The following MYH13 variants were observed in gnomAD, a reference collection of about 807,000 sequenced individuals.
The protein encoded by MYH13 is myosin-13.
MYH13 carries 177 observed loss-of-function variants against 232.1 expected under a neutral mutation model. The ratio of observed to expected loss-of-function variants is 0.76; its 90% CI spans 0.67 to 0.86. The LOEUF (loss-of-function observed/expected upper bound fraction) is 0.86. Among genes scored for constraint, MYH13 ranks in the 40% least tolerant of loss-of-function variants. MYH13 has a pLI of 0.00. For synonymous variants in MYH13, 884 were observed against 923.5 expected (o/e 0.96, Z 0.78); for missense variants, 2,246 against 2,405.9 (o/e 0.93, Z 1.39).
At chr17:10,331,238 G>T (rs1189608461) in intron 20 of MYH13, among the ~76,000 whole-genome samples, 1 of 152,068 alleles carries the variant, frequency 6.6e-6, no homozygotes, top group Non-Finnish European at 1.5e-5. Context: ...TTGGTCCCAT[G>T]CTCAGGCCCA....
At chr17:10,315,379 G>A (rs1906663856) in intron 29 of MYH13, among the ~76,000 whole-genome samples, 1 of 152,130 alleles carries the variant, frequency 6.6e-6, no homozygotes, top group African/African-American at 2.4e-5. Flanking sequence ...TGCCACCTCC[G>A]CCCCCTGGGT....
intron 18 of MYH13, among the ~76,000 whole-genome samples, chr17:10,335,755 GA>G (rs200437659): frequency 1.3e-5 from 2 of 149,898 alleles, no homozygotes; most frequent in Admixed American, 6.7e-5. Context: ...ACCCTGTCTT[GA>G]AAAAAAAAGA....
chr17:10,349,014 TTCCCTTCCTTC>T lies in MYH13; in HGVS notation c.1144+1531_1144+1541del, dbSNP rs1049750104. ...TTCCTTCCTTCTCCCTTCCCTTCCC[TTCCCTTCCTTC>T]TCCCTTCCTTCTCCCTTCCCTTCCC... is the stretch of plus-strand genomic sequence containing the variant. On this transcript the variant is annotated intron_variant, in intron 12 of 40. Coordinates refer to ENST00000252172, the MANE Select transcript of MYH13 (RefSeq NM_003802.3). 7.3e-5 allele frequency among the ~76,000 whole-genome samples: 11 copies of T among 150,830 alleles called. No individual in the cohort carries two copies. The East Asian group carries it at 7.9e-4, about 11-fold the overall frequency.
intron 27 of MYH13, among the ~76,000 whole-genome samples, chr17:10,318,344 G>A (rs2074868): frequency 0.37 from 56,280 of 151,892 alleles, 10,692 homozygotes; most frequent in Admixed American, 0.41. Flanking sequence ...GTGTTGGGGG[G>A]TGGGGCTTTT....
rs1471789421 is a variant in MYH13 at position 10,313,171 on chromosome 17, G to C, written c.4168C>G (p.Leu1390Val). 3 of 1,614,004 alleles carry C rather than the reference G, an allele frequency of 1.9e-6. No individual in the cohort carries two copies. Among genetic ancestry groups the C allele is most frequent in the African/African-American group, 1.3e-5 (1 of 74,922 alleles). Reference protein sequence around the residue: ...ETDAIQRTEELEEAKKKLAQR... With the variant: ...ETDAIQRTEEVEEAKKKLAQR... ...TGGAGCCCCTACTTGGCCTCCTCCA[G>C]CTCCTCTGTGCGCTGAATGGCGTCC... Residue 1390 changes from leucine (L) to valine (V), a missense_variant, in exon 30 of 41, where the codon CTG (leucine) becomes GTG (valine). Physicochemically the swap from Leu to Val is conservative, Grantham distance 32. Transcript: ENST00000252172.
intron 40 of MYH13, 135 bp downstream of exon 40, chr17:10,301,434 T>C: frequency 1.5e-6 from 2 of 1,351,202 alleles, no homozygotes; most frequent in Non-Finnish European, 1.0e-6. Flanking sequence ...CTCAGGTACC[T>C]GCTCTTACCT....
At chr17:10,319,999 T>C (rs181878369) in intron 26 of MYH13, among the ~76,000 whole-genome samples, 154 bp downstream of exon 26, 1 of 152,262 alleles carries the variant, frequency 6.6e-6, no homozygotes, top group East Asian at 1.9e-4. Context: ...AACATTAAAA[T>C]ATTATTTTCA....
intron 2 of MYH13, among the ~76,000 whole-genome samples, chr17:10,367,639 G>C (rs541342153): frequency 4.6e-5 from 7 of 152,118 alleles, no homozygotes; most frequent in Non-Finnish European, 1.0e-4. Flanking sequence ...ATGAGCCACC[G>C]TGCCTGGCCA....
In MYH13 at chr17:10,362,294, T is replaced by C. The variant is rs757936339; in HGVS notation, c.349-20A>G. On this transcript the variant is annotated intron_variant, in intron 4 of 40. Coordinates refer to ENST00000252172, the MANE Select transcript of MYH13 (RefSeq NM_003802.3). ...GTAGGTCTGGGAAGATCAGAACATT[T>C]ATCATTTGGATCTCGTTTTTACTCA... is the stretch of plus-strand genomic sequence containing the variant. 13 of 1,613,928 alleles carry C rather than the reference T, an allele frequency of 8.1e-6. No homozygotes were observed. The East Asian group carries it at 2.9e-4, about 36-fold the overall frequency.
chr17:10,365,784 A>G (rs553298155), intron 2 of MYH13, among the ~76,000 whole-genome samples: 1 of 151,740 alleles, frequency 6.6e-6, no homozygotes, highest in Admixed American at 6.6e-5. Flanking sequence ...TGGCGGTGTC[A>G]GGGTGTGACA....
At position 10,307,096 on chromosome 17, in the gene MYH13, G is replaced by A. The variant is rs532905072; in HGVS notation, c.5170-32C>T. The A allele has an allele frequency of 4.3e-6, 7 of 1,609,964 alleles. No individual in the cohort carries two copies. In the East Asian group the frequency reaches 1.6e-4, roughly 36 times the overall value. On this transcript the variant is annotated intron_variant, in intron 35 of 40. Coordinates refer to ENST00000252172, the MANE Select transcript of MYH13 (RefSeq NM_003802.3). ...GAAGAATTAGATATCAGGGGTGTGG[G>A]TTCTATTGGGGCGCTTAAAAAAATT...
intron 5 of MYH13, among the ~76,000 whole-genome samples, chr17:10,361,292 C>CT (rs147949319): frequency 0.22 from 29,574 of 137,032 alleles, 3,468 homozygotes; most frequent in East Asian, 0.45. Flanking sequence ...ATGCTAGACT[C>CT]TTTTTTTTTT....
At chr17:10,310,095 T>TG in intron 33 of MYH13, among the ~76,000 whole-genome samples, 1 of 67,260 alleles carries the variant, frequency 1.5e-5, no homozygotes, top group East Asian at 1.1e-3. Context: ...AGGTTTTGTG[T>TG]TTTTTTTTTT....
chr17:10,313,374 CA>C lies in MYH13; in HGVS notation c.3985-21del, dbSNP rs757048785. On this transcript the variant is annotated intron_variant, in intron 29 of 40. Coordinates refer to ENST00000252172, the MANE Select transcript of MYH13 (RefSeq NM_003802.3). Reference sequence around the variant, plus strand: ...CTTGGCCTGGGAATGACAGCGGTGACAAATTGCAAAAACATTTGACCCTTTT... The same window carrying C: ...CTTGGCCTGGGAATGACAGCGGTGACAATTGCAAAAACATTTGACCCTTTT... 9.3e-6 allele frequency: 15 copies of C among 1,613,640 alleles called. No individual in the cohort carries two copies. In the East Asian group the frequency reaches 3.3e-4, roughly 36 times the overall value.
chr17:10,308,433 T>G (rs1043120170), intron 35 of MYH13, among the ~76,000 whole-genome samples: 2 of 142,918 alleles, frequency 1.4e-5, no homozygotes, highest in African/African-American at 5.2e-5. Flanking sequence ...GTATTTATTT[T>G]TAATTAAAAC....
rs34889608 is a variant in MYH13, at chr17:10,306,220, ATGTGTGTGTGTGTGTGTGTGTG to A, written c.5466+217_5466+238del. ...CTGAGGTGTGAGCATACCAAAATAGATGTGTGTGTGTGTGTGTGTGTGTGTGTGTGTGTGTGTGTGTGTGTGT... is the reference window on the plus strand; with the variant it reads ...CTGAGGTGTGAGCATACCAAAATAGATGTGTGTGTGTGTGTGTGTGTGTGT... On this transcript the variant is annotated intron_variant, in intron 37 of 40. Coordinates refer to ENST00000252172, the MANE Select transcript of MYH13 (RefSeq NM_003802.3). The surrounding 1 kb of genome is among the most constrained non-coding windows in gnomAD (Gnocchi z 4.3). Among the ~76,000 whole-genome samples, 10 of 129,944 alleles carry A rather than the reference ATGTGTGTGTGTGTGTGTGTGTG, an allele frequency of 7.7e-5. No individual in the cohort carries two copies. The highest frequency in any genetic ancestry group is 8.2e-5 in the Non-Finnish European group (5 of 61,046). The allele number at this position is 129,944 out of a possible 152,430, so 85.2% of individuals were successfully genotyped here. A position where few individuals can be genotyped will look rare whatever the true frequency, so the allele number is the denominator to read the frequency against.
chr17:10,357,836 A>G lies in MYH13; in HGVS notation c.646-9T>C, dbSNP rs376311522. On this transcript the variant is annotated splice_polypyrimidine_tract_variant and intron_variant, in intron 7 of 40. Transcript: ENST00000252172. Reference sequence around the variant, plus strand: ...TGATCCTCTAGGGTTCCCTAATAATAAACAAGAAGAGGAAAAAGAGGACTT... The same window carrying G: ...TGATCCTCTAGGGTTCCCTAATAATGAACAAGAAGAGGAAAAAGAGGACTT... The G allele has an allele frequency of 6.2e-6, 10 of 1,608,964 alleles. No individual in the cohort carries two copies. The highest frequency in any genetic ancestry group is 1.3e-5 in the African/African-American group (1 of 74,606).
At chr17:10,345,681 A>G in intron 13 of MYH13, 65 bp from the exon 14 acceptor site, 13 of 1,611,160 alleles carry the variant, frequency 8.1e-6, no homozygotes, top group Non-Finnish European at 1.0e-5. Context: ...AAGTTGAAAC[A>G]TATGAAATTG....
chr17:10,343,088 CAAAAAAAAAAA>C (rs71139039), intron 16 of MYH13, among the ~76,000 whole-genome samples: 2 of 125,136 alleles, frequency 1.6e-5, no homozygotes, highest in Admixed American at 8.1e-5. Flanking sequence ...GACTCTGTCT[CAAAAAAAAAAA>C]AAAAAAAAAA....
Sources: allele counts gnomAD v4.1 joint callset (sites outside exome capture counted in the v4.1 genomes callset), GRCh38; gene constraint gnomAD v4.1.1; non-coding constraint Gnocchi (gnomAD v3.1); transcripts MANE v1.5; gene names NCBI Gene and HGNC (gene_info 2026-07-23, HGNC 2026-07-21).